FRMD4A: variants seen among roughly 807,000 people sequenced by gnomAD.
FRMD4A encodes FERM domain-containing protein 4A.
In FRMD4A, 29 loss-of-function variants were observed where a neutral mutation model predicts 129.1. The ratio of observed to expected loss-of-function variants is 0.22; its 90% CI spans 0.17 to 0.31. FRMD4A has a LOEUF of 0.31. Ranked by LOEUF, FRMD4A falls within the 10% of genes least tolerant of loss-of-function variation. The pLI, the probability that FRMD4A is intolerant of heterozygous loss-of-function variation, is 1.00. For synonymous variants in FRMD4A, 634 were observed against 571.6 expected, an observed-to-expected ratio of 1.11 and a Z score of -1.56; for missense variants, 1,272 against 1,375.8, an observed-to-expected ratio of 0.92 and a Z score of 1.19.
intron 12 of FRMD4A, among the ~76,000 whole-genome samples, chr10:13,715,391 G>A (rs193132279): frequency 2.0e-5 from 3 of 152,166 alleles, no homozygotes; most frequent in Non-Finnish European, 4.4e-5. Context: ...ATTTCCTACC[G>A]ATGGGAGACA....
chr10:14,146,277 G>A (rs2131848566), intron 2 of FRMD4A, among the ~76,000 whole-genome samples: 1 of 152,342 alleles, frequency 6.6e-6, no homozygotes, highest in Non-Finnish European at 1.5e-5. Context: ...TTATGTGACA[G>A]GAATGTTACA....
chr10:13,998,282 T>C (rs184357456), intron 2 of FRMD4A, among the ~76,000 whole-genome samples: 8 of 152,350 alleles, frequency 5.3e-5, no homozygotes, highest in African/African-American at 1.9e-4. Flanking sequence ...TGCTTTGTAA[T>C]GTTTGCCAAT....
chr10:14,236,559 G>C (rs574844992), intron 2 of FRMD4A, among the ~76,000 whole-genome samples: 1 of 152,306 alleles, frequency 6.6e-6, no homozygotes, highest in Admixed American at 6.5e-5. Context: ...TGCCCTGCCA[G>C]GGTGCGCTGC....
intron 2 of FRMD4A, among the ~76,000 whole-genome samples, chr10:14,118,690 G>A (rs945224987): frequency 1.1e-4 from 17 of 152,196 alleles, no homozygotes; most frequent in Non-Finnish European, 2.2e-4. Flanking sequence ...CGGCAAGAGA[G>A]CTTGTGCAGG....
intron 2 of FRMD4A, among the ~76,000 whole-genome samples, chr10:14,314,857 A>G (rs1206796120): frequency 6.6e-6 from 1 of 151,804 alleles, no homozygotes; most frequent in Non-Finnish European, 1.5e-5. Context: ...TCTCCTCCTC[A>G]TTCACTTGCA....
chr10:14,286,191 A>G (rs1845675653), intron 2 of FRMD4A, among the ~76,000 whole-genome samples: 1 of 152,212 alleles, frequency 6.6e-6, no homozygotes, highest in Admixed American at 6.5e-5. Context: ...GCTGGCTGAG[A>G]AAAGGAATTG....
intron 2 of FRMD4A, among the ~76,000 whole-genome samples, chr10:14,089,230 C>A (rs1013261589): frequency 6.6e-6 from 1 of 152,182 alleles, no homozygotes; most frequent in Non-Finnish European, 1.5e-5. Context: ...AGGCCCCTGG[C>A]GCTGGTTCTC....
intron 3 of FRMD4A, among the ~76,000 whole-genome samples, chr10:13,857,408 A>G (rs1430053354): frequency 6.6e-6 from 1 of 152,244 alleles, no homozygotes; most frequent in African/African-American, 2.4e-5. Context: ...ACAGCCATGC[A>G]AGAAATATAA....
chr10:14,193,672 T>C (rs1842388426), intron 2 of FRMD4A, among the ~76,000 whole-genome samples: 1 of 146,580 alleles, frequency 6.8e-6, no homozygotes, highest in Admixed American at 6.9e-5. Flanking sequence ...GGACCAGCAG[T>C]GCTGGTCTAC....
At chr10:14,073,928 A>G (rs749457807) in intron 2 of FRMD4A, among the ~76,000 whole-genome samples, 32 of 152,156 alleles carry the variant, frequency 2.1e-4, no homozygotes, top group Admixed American at 3.9e-4. Flanking sequence ...ACTGGGCAAC[A>G]TAGTGAAACT....
chr10:14,044,785 G>T (rs1180349295), intron 2 of FRMD4A, among the ~76,000 whole-genome samples: 1 of 152,210 alleles, frequency 6.6e-6, no homozygotes, highest in Non-Finnish European at 1.5e-5. Context: ...AAGTAATACA[G>T]CTACCACCAT....
chr10:13,728,802 C>A (rs1057028352), intron 12 of FRMD4A, among the ~76,000 whole-genome samples: 6 of 151,890 alleles, frequency 4.0e-5, no homozygotes, highest in Admixed American at 6.6e-5. Flanking sequence ...GAACTCCTGA[C>A]CTCAAGTGAT....
At chr10:13,719,473 C>A (rs780141159) in intron 12 of FRMD4A, among the ~76,000 whole-genome samples, 1 of 151,982 alleles carries the variant, frequency 6.6e-6, no homozygotes, top group Non-Finnish European at 1.5e-5. Flanking sequence ...CAGGTAGGAC[C>A]CCGACTGTAA....
At chr10:14,174,880 T>A (rs1174261346) in intron 2 of FRMD4A, among the ~76,000 whole-genome samples, 2 of 4,308 alleles carry the variant, frequency 4.6e-4, no homozygotes, top group East Asian at 0.023. Flanking sequence ...TGTGTGTGTC[T>A]GTGTGTGTGT....
intron 2 of FRMD4A, among the ~76,000 whole-genome samples, chr10:14,188,927 C>A (rs1842231673): frequency 1.3e-5 from 2 of 152,150 alleles, no homozygotes; most frequent in Non-Finnish European, 2.9e-5. Flanking sequence ...CAAACAAAAT[C>A]CCGCCCAAAA....
chr10:13,848,392 G>A (rs1478988375), intron 3 of FRMD4A, among the ~76,000 whole-genome samples: 2 of 152,048 alleles, frequency 1.3e-5, no homozygotes, highest in Admixed American at 1.3e-4. Flanking sequence ...AATTTCAAAT[G>A]GTTTCAATGA....
At chr10:13,876,045 A>G (rs762875565) in intron 2 of FRMD4A, among the ~76,000 whole-genome samples, 11 of 152,260 alleles carry the variant, frequency 7.2e-5, no homozygotes, top group Non-Finnish European at 1.6e-4. Flanking sequence ...AACAAGCATC[A>G]TTGCTCAAAA....
intron 15 of FRMD4A, among the ~76,000 whole-genome samples, chr10:13,691,428 G>A (rs541623445): frequency 3.3e-5 from 5 of 152,234 alleles, no homozygotes; most frequent in South Asian, 4.1e-4. Context: ...AAGGGGGCCC[G>A]TGCAGATGGA....
intron 2 of FRMD4A, among the ~76,000 whole-genome samples, chr10:14,143,130 C>T (rs11258896): frequency 0.32 from 48,232 of 152,080 alleles, 8,571 homozygotes; most frequent in East Asian, 0.55. Flanking sequence ...ATTCCACTTC[C>T]GGGCATGAGC....
Sources: gnomAD v4.1 joint callset for allele counts (sites outside exome capture counted in the v4.1 genomes callset) on GRCh38, gnomAD v4.1.1 for gene constraint, MANE v1.5 for transcripts, NCBI Gene and HGNC (gene_info 2026-07-23, HGNC 2026-07-21) for gene names.